The following PDE10A variants were observed in gnomAD, a reference collection of about 807,000 sequenced individuals.
PDE10A encodes the protein phosphodiesterase 10A.
In PDE10A, 39 loss-of-function variants were observed where a neutral mutation model predicts 97.7. The ratio of observed to expected loss-of-function variants is 0.40; its 90% CI spans 0.31 to 0.52. PDE10A has a LOEUF of 0.52. PDE10A is among the 20% of genes least tolerant of loss of function. The pLI is 0.56. For missense variants in PDE10A, 731 were observed against 1,047.8 expected (o/e 0.70, Z 4.17); for synonymous variants, 371 against 376.8 (o/e 0.98, Z 0.18).
At chr6:165,483,902 A>G (rs1221912107) in intron 2 of PDE10A, among the ~76,000 whole-genome samples, 1 of 152,232 alleles carries the variant, frequency 6.6e-6, no homozygotes, top group Non-Finnish European at 1.5e-5. Context: ...TTGAGTGTGC[A>G]TAAGATAGCC....
chr6:165,857,673 C>A (rs1780779767), intron 1 of PDE10A, among the ~76,000 whole-genome samples: 1 of 150,766 alleles, frequency 6.6e-6, no homozygotes, highest in African/African-American at 2.5e-5. Flanking sequence ...CTGTTCTTGC[C>A]TTTGCAATGT....
chr6:165,914,584 T>C (rs557144993), intron 1 of PDE10A, among the ~76,000 whole-genome samples: 1 of 152,212 alleles, frequency 6.6e-6, no homozygotes, highest in African/African-American at 2.4e-5. Context: ...AATGAAAGTG[T>C]CAAGGGATGT....
At chr6:165,362,120 G>A (rs948761992) in intron 18 of PDE10A, among the ~76,000 whole-genome samples, 1 of 152,064 alleles carries the variant, frequency 6.6e-6, no homozygotes, top group Non-Finnish European at 1.5e-5. Context: ...AACCTAAACT[G>A]CCTTAAGACT....
rs200430975 is a variant in PDE10A at position 165,504,342 on chromosome 6, AT to A, written c.995-22000del. Among the ~76,000 whole-genome samples, 1,189 of 152,346 alleles carry A rather than the reference AT, an allele frequency of 7.8e-3. 18 individuals carry two copies. Among genetic ancestry groups the A allele is most frequent in the African/African-American group, 0.028 (1,151 of 41,592 alleles). On this transcript the variant is annotated intron_variant, in intron 2 of 21. Transcript: ENST00000539869. ...TGTCTTTTATTAAAACTATAAAAAA[AT>A]TAAACCGTGATAGCATTAAATATCC...
intron 14 of PDE10A, among the ~76,000 whole-genome samples, chr6:165,395,540 G>A (rs1447210651): frequency 2.0e-5 from 3 of 151,962 alleles, no homozygotes; most frequent in African/African-American, 7.2e-5. Flanking sequence ...GAAATAAAAA[G>A]TACAAAAAGG....
At chr6:165,386,838 TAAA>T (rs1296726151) in intron 17 of PDE10A, among the ~76,000 whole-genome samples, 1 of 113,332 alleles carries the variant, frequency 8.8e-6, no homozygotes, top group Admixed American at 9.4e-5. Flanking sequence ...CCAGCTCTAC[TAAA>T]AAAAAAAAAA....
intron 1 of PDE10A, among the ~76,000 whole-genome samples, chr6:165,717,483 C>T (rs1019836634): frequency 7.2e-5 from 11 of 151,846 alleles, no homozygotes; most frequent in African/African-American, 2.4e-4. Flanking sequence ...ACTCGGGAAG[C>T]GGAGACAGGA....
chr6:165,800,678 C>T (rs1362590983), intron 1 of PDE10A, among the ~76,000 whole-genome samples: 8 of 152,120 alleles, frequency 5.3e-5, no homozygotes, highest in African/African-American at 7.2e-5. Flanking sequence ...CATAATTCAG[C>T]GAAGTGAAGC....
chr6:165,836,755 T>C (rs1030829362), intron 1 of PDE10A, among the ~76,000 whole-genome samples: 2 of 152,056 alleles, frequency 1.3e-5, no homozygotes, highest in Admixed American at 6.5e-5. Flanking sequence ...TCACCTCCCA[T>C]GGTACCTCTG....
chr6:165,625,071 G>C (rs1788317922), intron 1 of PDE10A, among the ~76,000 whole-genome samples: 1 of 152,126 alleles, frequency 6.6e-6, no homozygotes, highest in South Asian at 2.1e-4. Context: ...ACTTGACCCA[G>C]TGAGAGAGAG....
intron 1 of PDE10A, among the ~76,000 whole-genome samples, chr6:165,750,074 G>A (rs914836748): frequency 6.6e-6 from 1 of 152,184 alleles, no homozygotes; most frequent in Non-Finnish European, 1.5e-5. Flanking sequence ...CTGCTGATAT[G>A]AGGTGGGTAT....
intron 5 of PDE10A, among the ~76,000 whole-genome samples, chr6:165,443,147 A>G (rs1029775233): frequency 6.6e-6 from 1 of 151,724 alleles, no homozygotes; most frequent in East Asian, 1.9e-4. Flanking sequence ...TCCAAGTCTA[A>G]AGTCTCATCT....
At chr6:165,469,691 A>G (rs1369221424) in intron 3 of PDE10A, among the ~76,000 whole-genome samples, 1 of 152,124 alleles carries the variant, frequency 6.6e-6, no homozygotes, top group Non-Finnish European at 1.5e-5. Context: ...TGGGTGAGAA[A>G]TTCTTATTGG....
At chr6:165,482,083 T>A (rs920573778) in intron 3 of PDE10A, among the ~76,000 whole-genome samples, 2 of 152,192 alleles carry the variant, frequency 1.3e-5, no homozygotes, top group Non-Finnish European at 2.9e-5. Context: ...GAAAACCCCA[T>A]AGGCACGTGC....
chr6:165,952,195 G>C (rs890851892), intron 1 of PDE10A, among the ~76,000 whole-genome samples: 1 of 152,322 alleles, frequency 6.6e-6, no homozygotes, highest in African/African-American at 2.4e-5. Context: ...AAGCTGCCAT[G>C]CACCCACCAG....
intron 1 of PDE10A, among the ~76,000 whole-genome samples, chr6:165,888,317 C>G (rs1451676971): frequency 6.6e-6 from 1 of 151,562 alleles, no homozygotes; most frequent in Non-Finnish European, 1.5e-5. Context: ...AATGGAGTCT[C>G]GCTTTGTCGC....
chr6:165,722,408 G>A (rs1317223240), intron 1 of PDE10A, among the ~76,000 whole-genome samples: 2 of 152,236 alleles, frequency 1.3e-5, no homozygotes, highest in African/African-American at 4.8e-5. Flanking sequence ...TGGGATACAT[G>A]TCAAGACATC....
chr6:165,597,865 A>T (rs1350187835), intron 1 of PDE10A, among the ~76,000 whole-genome samples: 1 of 152,206 alleles, frequency 6.6e-6, no homozygotes, highest in Non-Finnish European at 1.5e-5. Flanking sequence ...AAGGTAACAG[A>T]AAAAAGACTG....
chr6:165,435,160 C>T (rs1246017369), intron 6 of PDE10A, 77 bp downstream of exon 6: 4 of 1,209,978 alleles, frequency 3.3e-6, no homozygotes, highest in Non-Finnish European at 4.7e-6. Flanking sequence ...TAAATTATAA[C>T]ATCAAAATGA....
Sources: allele counts gnomAD v4.1 joint callset (sites outside exome capture counted in the v4.1 genomes callset), GRCh38; gene constraint gnomAD v4.1.1; transcripts MANE v1.5; gene names NCBI Gene and HGNC (gene_info 2026-07-23, HGNC 2026-07-21).